KCNH8: variants seen among roughly 807,000 people sequenced by gnomAD.
The protein encoded by KCNH8 is voltage-gated delayed rectifier potassium channel KCNH8.
A neutral mutation model predicts 103.6 loss-of-function variants in KCNH8; 70 were observed. The ratio of observed to expected loss-of-function variants is 0.68; its 90% CI spans 0.56 to 0.82. The LOEUF is 0.82. Among genes scored for constraint, KCNH8 ranks in the 40% least tolerant of loss-of-function variants. The pLI is 0.00. For synonymous variants in KCNH8, 498 were observed against 489.4 expected (o/e 1.02, Z -0.23); for missense variants, 1,217 against 1,329.9 (o/e 0.92, Z 1.32).
At chr3:19,484,248 A>G (rs1483026477) in intron 11 of KCNH8, among the ~76,000 whole-genome samples, 1 of 152,206 alleles carries the variant, frequency 6.6e-6, no homozygotes, top group African/African-American at 2.4e-5. Context: ...CCTGGGCTAC[A>G]TACCTTGTAC....
chr3:19,156,988 AAAG>A (rs2063187587), intron 1 of KCNH8, among the ~76,000 whole-genome samples: 2 of 149,940 alleles, frequency 1.3e-5, no homozygotes, highest in African/African-American at 5.0e-5. Flanking sequence ...TTTTTAAAAA[AAAG>A]GTTTTCTTTT....
In KCNH8 at chr3:19,461,218, CT is replaced by C; in HGVS notation, c.2040+4238del. On this transcript the variant is annotated intron_variant, in intron 11 of 15. Transcript: ENST00000328405. ...GTTACATTTTAAAGGCAGATGGGACCTTCATTGTTTTATACTTCCTGATGTT... is the reference window on the plus strand; with the variant it reads ...GTTACATTTTAAAGGCAGATGGGACCTCATTGTTTTATACTTCCTGATGTT... 3.3e-5 allele frequency among the ~76,000 whole-genome samples: 5 copies of C among 152,230 alleles called. 1 individual carries two copies. In the East Asian group the frequency reaches 9.7e-4, roughly 29 times the overall value.
At chr3:19,533,203 CAAA>C (rs201886115) in intron 15 of KCNH8, among the ~76,000 whole-genome samples, 189 bp from the exon 16 acceptor site, 4 of 64,930 alleles carry the variant, frequency 6.2e-5, no homozygotes, top group Non-Finnish European at 6.3e-5. Context: ...GACTCCGTCT[CAAA>C]AAAAAAAAAA....
At chr3:19,245,149 G>A (rs1044678518) in intron 1 of KCNH8, among the ~76,000 whole-genome samples, 3 of 151,898 alleles carry the variant, frequency 2.0e-5, no homozygotes, top group African/African-American at 4.8e-5. Flanking sequence ...TGACTGGTAG[G>A]GGTACAATTT....
chr3:19,390,782 G>T (rs879172448), intron 6 of KCNH8, 144 bp downstream of exon 6: 30 of 675,290 alleles, frequency 4.4e-5, no homozygotes, highest in South Asian at 1.7e-4. Context: ...TGATATGCAG[G>T]CCAGATTCTT....
At chr3:19,302,441 T>C (rs1024259794) in intron 3 of KCNH8, among the ~76,000 whole-genome samples, 4 of 152,178 alleles carry the variant, frequency 2.6e-5, no homozygotes, top group Non-Finnish European at 5.9e-5. Flanking sequence ...GTAATAATCT[T>C]GGCTTCTAGG....
chr3:19,315,085 G>T (rs1414900137), intron 3 of KCNH8, among the ~76,000 whole-genome samples: 1 of 151,926 alleles, frequency 6.6e-6, no homozygotes, highest in Non-Finnish European at 1.5e-5. Context: ...GGTCTGGAGG[G>T]GAAAGAGGTA....
chr3:19,473,692 A>G (rs1367963209), intron 11 of KCNH8, among the ~76,000 whole-genome samples: 1 of 152,242 alleles, frequency 6.6e-6, no homozygotes, highest in East Asian at 1.9e-4. Context: ...GAAATAAATG[A>G]AAATCTCTTT....
chr3:19,488,620 C>T (rs1014228674), intron 11 of KCNH8, among the ~76,000 whole-genome samples: 5 of 152,130 alleles, frequency 3.3e-5, no homozygotes, highest in Non-Finnish European at 7.3e-5. Context: ...CCTCAGAGAC[C>T]TTATTTAAAT....
At chr3:19,337,433 G>T (rs938495593) in intron 3 of KCNH8, among the ~76,000 whole-genome samples, 4 of 151,830 alleles carry the variant, frequency 2.6e-5, no homozygotes, top group African/African-American at 7.3e-5. Flanking sequence ...TCTCAGTGTT[G>T]CTTAGTAACT....
At chr3:19,488,753 C>G (rs1013348429) in intron 11 of KCNH8, among the ~76,000 whole-genome samples, 11 of 152,028 alleles carry the variant, frequency 7.2e-5, no homozygotes, top group African/African-American at 2.4e-4. Flanking sequence ...CAGCTGAATC[C>G]TTATATATTC....
In KCNH8 at chr3:19,456,997, T is replaced by G; in HGVS notation, c.2040+15T>G. The G allele has an allele frequency of 6.4e-7, 1 of 1,555,896 alleles. No homozygotes were observed. Among genetic ancestry groups the G allele is most frequent in the Non-Finnish European group, 8.9e-7 (1 of 1,128,950 alleles). On this transcript the variant is annotated intron_variant, in intron 11 of 15. Transcript: ENST00000328405. Reference sequence around the variant, plus strand: ...ATGAGAGTGATGTAAGTCCCATTTCTAATTAGTGCTAAGACCTAATAACAT... The same window carrying G: ...ATGAGAGTGATGTAAGTCCCATTTCGAATTAGTGCTAAGACCTAATAACAT...
At chr3:19,364,246 CA>C (rs997806292) in intron 5 of KCNH8, among the ~76,000 whole-genome samples, 5 of 152,140 alleles carry the variant, frequency 3.3e-5, no homozygotes, top group Admixed American at 3.3e-4. Context: ...CTCCACAACA[CA>C]AAGCCTTAAG....
At chr3:19,510,744 G>T (rs2068769956) in intron 12 of KCNH8, among the ~76,000 whole-genome samples, 1 of 152,086 alleles carries the variant, frequency 6.6e-6, no homozygotes. Flanking sequence ...TAAAAATATG[G>T]TTGAGAGATA....
chr3:19,253,879 A>G lies in KCNH8; in HGVS notation c.302A>G (p.Lys101Arg). 6.2e-7 allele frequency: 1 copy of G among 1,610,714 alleles called. No individual in the cohort carries two copies. Among genetic ancestry groups the G allele is most frequent in the South Asian group, 1.1e-5 (1 of 90,964 alleles). ...TEFKGEIMFY[K>R]KNGSPFWCLL... is the part of the protein sequence containing the mutation. ...TTCAAAGGAGAAATTATGTTCTACA[A>G]GAAAAACGGTGAGTTGGCTTTCTTT... is the stretch of plus-strand genomic sequence containing the variant. The change falls in exon 2 of 16, where the codon AAG (lysine) becomes AGG (arginine). Residue 101 changes from lysine (K) to arginine (R), a missense_variant. Physicochemically the swap from Lys to Arg is conservative, Grantham distance 26. Transcript: ENST00000328405.
chr3:19,287,038 C>CGGTG (rs1452916871), intron 3 of KCNH8, among the ~76,000 whole-genome samples: 2 of 151,000 alleles, frequency 1.3e-5, no homozygotes, highest in Non-Finnish European at 2.9e-5. Context: ...ACATGAGGGT[C>CGGTG]AGGTGATCAA....
chr3:19,300,667 T>C (rs1455017268), intron 3 of KCNH8, among the ~76,000 whole-genome samples: 1 of 152,154 alleles, frequency 6.6e-6, no homozygotes, highest in Non-Finnish European at 1.5e-5. Context: ...AAATAAGTTA[T>C]ATATCCCAAT....
chr3:19,288,680 G>A (rs7651897), intron 3 of KCNH8, among the ~76,000 whole-genome samples: 86 of 152,174 alleles, frequency 5.7e-4, no homozygotes, highest in African/African-American at 1.9e-3. Context: ...GAATAGTGCC[G>A]CAATAAACAT....
At chr3:19,214,216 T>C (rs1474629685) in intron 1 of KCNH8, among the ~76,000 whole-genome samples, 1 of 152,244 alleles carries the variant, frequency 6.6e-6, no homozygotes, top group East Asian at 1.9e-4. Context: ...ATTTTTTCCC[T>C]AAGCCCTAGG....
Sources: gnomAD v4.1 joint callset for allele counts (sites outside exome capture counted in the v4.1 genomes callset) on GRCh38, gnomAD v4.1.1 for gene constraint, MANE v1.5 for transcripts, NCBI Gene and HGNC (gene_info 2026-07-23, HGNC 2026-07-21) for gene names.